CASC3: variants seen among roughly 807,000 people sequenced by gnomAD.
The protein encoded by CASC3 is protein CASC3.
Under a neutral mutation model 80.5 loss-of-function variants are expected in CASC3, and 30 were observed. The ratio of observed to expected loss-of-function variants is 0.37; its 90% CI spans 0.28 to 0.51. CASC3 has a LOEUF of 0.51. Among genes scored for constraint, CASC3 ranks in the 20% least tolerant of loss-of-function variants. The pLI is 0.94. For missense variants in CASC3, 824 were observed against 922.2 expected (o/e 0.89, Z 1.38); for synonymous variants, 312 against 333.6 (o/e 0.94, Z 0.70).
At chr17:40,166,613 CAGT>C (rs1419994729) in intron 7 of CASC3, among the ~76,000 whole-genome samples, 181 bp from the exon 8 acceptor site, 2 of 152,158 alleles carry the variant, frequency 1.3e-5, no homozygotes, top group African/African-American at 4.8e-5. Flanking sequence ...AGATGGCAGA[CAGT>C]GGGGACAAAT....
Position 40,171,430 on chromosome 17 carries a change from T to C in CASC3, c.*1025T>C. 1.0e-6 allele frequency: 1 copy of C among 986,266 alleles called. No individual in the cohort carries two copies. The highest frequency in any genetic ancestry group is 1.2e-6 in the Non-Finnish European group (1 of 830,126). The allele number at this position is 986,266 out of a possible 1,614,324, so 61.1% of individuals were successfully genotyped here. The stretch of plus-strand genomic sequence containing the variant: ...GTTGCTGTGGACCAATGCATCTCTT[T>C]AAAGGCAAATATTATCCAGCAAGCA... On this transcript the variant is annotated 3_prime_UTR_variant, in exon 14 of 14. Transcript: ENST00000264645.
chr17:40,162,969 C>T, intron 6 of CASC3, 68 bp downstream of exon 6: 3 of 1,437,412 alleles, frequency 2.1e-6, no homozygotes, highest in Admixed American at 3.5e-5. Context: ...ACCTGGAATC[C>T]CGGCACTTTG....
intron 3 of CASC3, among the ~76,000 whole-genome samples, chr17:40,145,263 G>A (rs1352467654): frequency 2.0e-5 from 3 of 150,128 alleles, no homozygotes; most frequent in East Asian, 3.9e-4. Context: ...CCTCCGCCCC[G>A]CCTGGTTCAA....
Position 40,141,552 on chromosome 17 carries a change from A to G in CASC3, c.260-18A>G. ...TTTCTGGGTTTCTTTTTTTCCACAT[A>G]TTTCTGTTTTATTTCAGCTGTTCTC... On this transcript the variant is annotated intron_variant, in intron 2 of 13. Coordinates refer to ENST00000264645, the MANE Select transcript of CASC3 (RefSeq NM_007359.5). 1 of 1,611,494 alleles carries G rather than the reference A, an allele frequency of 6.2e-7. No individual in the cohort carries two copies.
intron 3 of CASC3, among the ~76,000 whole-genome samples, chr17:40,155,093 G>T (rs909619410): frequency 6.6e-6 from 1 of 151,670 alleles, no homozygotes; most frequent in Admixed American, 6.6e-5. Flanking sequence ...GTTTCACCGT[G>T]TTAGCCAGGA....
Position 40,154,787 on chromosome 17 carries a change from C to T in CASC3, c.298-6966C>T, listed in dbSNP as rs147641141. Among the ~76,000 whole-genome samples, 792 of 152,148 alleles carry T rather than the reference C, an allele frequency of 5.2e-3. 5 individuals carry two copies. The highest frequency in any genetic ancestry group is 8.7e-3 in the Non-Finnish European group (593 of 68,010). ...AAACTGAGAGTCATGAGTATTTACT[C>T]CTGTGTTTTCTTCTAAGAGTTTTAT... On this transcript the variant is annotated intron_variant, in intron 3 of 13. Coordinates refer to ENST00000264645, the MANE Select transcript of CASC3 (RefSeq NM_007359.5).
At chr17:40,152,148 A>G (rs988030141) in intron 3 of CASC3, among the ~76,000 whole-genome samples, 7 of 152,050 alleles carry the variant, frequency 4.6e-5, no homozygotes, top group African/African-American at 1.7e-4. Context: ...TTTATTTTAC[A>G]TGGTTTAAAA....
intron 3 of CASC3, among the ~76,000 whole-genome samples, chr17:40,156,885 G>T (rs1000596000): frequency 6.6e-6 from 1 of 151,110 alleles, no homozygotes; most frequent in African/African-American, 2.4e-5. Flanking sequence ...ACAAAAAAAA[G>T]GACAAAAATT....
chr17:40,152,206 T>C (rs568103855), intron 3 of CASC3, among the ~76,000 whole-genome samples: 1 of 152,362 alleles, frequency 6.6e-6, no homozygotes, highest in East Asian at 1.9e-4. Context: ...GATGCAGTTA[T>C]AGCTCACTGC....
At chr17:40,147,749 G>C (rs907281530) in intron 3 of CASC3, among the ~76,000 whole-genome samples, 6 of 152,218 alleles carry the variant, frequency 3.9e-5, no homozygotes, top group Admixed American at 3.9e-4. Flanking sequence ...TGGAAGGACA[G>C]TTGTGGGTTA....
chr17:40,162,748 T>C lies in CASC3; in HGVS notation c.632T>C (p.Leu211Pro). 6.2e-7 allele frequency: 1 copy of C among 1,613,932 alleles called. No homozygotes were observed. The highest frequency in any genetic ancestry group is 8.5e-7 in the Non-Finnish European group (1 of 1,179,996). Residue 211 changes from leucine (L) to proline (P), a missense_variant, in exon 6 of 14, where the codon CTA becomes CCA. Around this residue, in one of 3 missense-constraint regions of CASC3, gnomAD observed 201 missense variants for 294.1 expected, o/e 0.68. Coordinates refer to ENST00000264645, the MANE Select transcript of CASC3 (RefSeq NM_007359.5). Reference sequence around the variant, plus strand: ...AGACCCAAGGGGCGTCAGCGAAAGCTATGGAAGGATGAGGGTCGCTGGGAG... The same window carrying C: ...AGACCCAAGGGGCGTCAGCGAAAGCCATGGAAGGATGAGGGTCGCTGGGAG... ...EVRPKGRQRK[L>P]WKDEGRWEHD... is the part of the protein sequence containing the mutation.
intron 8 of CASC3, chr17:40,167,098 A>G (rs1989468797): frequency 1.9e-6 from 1 of 529,312 alleles, no homozygotes; most frequent in African/African-American, 2.0e-5. Flanking sequence ...AGTAGCTGGC[A>G]TTACAGGCAC....
At chr17:40,168,073 G>A in intron 10 of CASC3, 125 bp downstream of exon 10, 1 of 1,284,110 alleles carries the variant, frequency 7.8e-7, no homozygotes, top group Non-Finnish European at 1.1e-6. Flanking sequence ...GGCTGCTTGG[G>A]CAACAAGTTC....
rs376330541 is a variant in CASC3 at position 40,167,814 on chromosome 17, A to T, written c.1652-36A>T. On this transcript the variant is annotated intron_variant, in intron 9 of 13. Transcript: ENST00000264645. ...AAGGAGACTTGTCCATGTGAAGAGT[A>T]AGGGTTTATGAGAGTCCCAATGTGA... The T allele has an allele frequency of 7.1e-6, 11 of 1,558,400 alleles. 1 individual carries two copies. In the South Asian group the frequency reaches 1.1e-4, roughly 16 times the overall value.
chr17:40,164,005 T>G lies in CASC3; in HGVS notation c.1310T>G (p.Val437Gly). 6.2e-7 allele frequency: 1 copy of G among 1,613,982 alleles called. No homozygotes were observed. Among genetic ancestry groups the G allele is most frequent in the Non-Finnish European group, 8.5e-7 (1 of 1,180,010 alleles). Reference sequence around the variant, plus strand: ...GAAGGACTGATTCCAGCACCTCCAGTCCCAGAAACCACCCCAACTCCACCT... The same window carrying G: ...GAAGGACTGATTCCAGCACCTCCAGGCCCAGAAACCACCCCAACTCCACCT... Reference protein sequence around the residue: ...PPEGLIPAPPVPETTPTPPTK... With the variant: ...PPEGLIPAPPGPETTPTPPTK... Residue 437 changes from valine to glycine, a missense_variant, in exon 7 of 14, where the codon GTC (valine) becomes GGC (glycine). Around this residue, in one of 3 missense-constraint regions of CASC3, gnomAD observed 464 missense variants for 506.0 expected, o/e 0.92. Transcript: ENST00000264645.
chr17:40,155,434 G>A (rs1989122034), intron 3 of CASC3, among the ~76,000 whole-genome samples: 2 of 151,976 alleles, frequency 1.3e-5, no homozygotes, highest in South Asian at 4.2e-4. Flanking sequence ...TTATATTTAA[G>A]GTTTTAAAAG....
intron 3 of CASC3, among the ~76,000 whole-genome samples, chr17:40,149,652 A>T (rs1988948982): frequency 6.6e-6 from 1 of 152,236 alleles, no homozygotes; most frequent in Admixed American, 6.5e-5. Context: ...GACAAGATTA[A>T]CATCTTCCAT....
At chr17:40,143,855 T>C (rs2145151286) in intron 3 of CASC3, among the ~76,000 whole-genome samples, 1 of 151,244 alleles carries the variant, frequency 6.6e-6, no homozygotes, top group Non-Finnish European at 1.5e-5. Context: ...TATATATTAA[T>C]AAAAGAACGT....
At chr17:40,170,425 C>A in intron 13 of CASC3, 22 bp from the exon 14 acceptor site, 1 of 985,548 alleles carries the variant, frequency 1.0e-6, no homozygotes, top group Non-Finnish European at 1.2e-6. Flanking sequence ...GGTGGTTCTT[C>A]CCTTTTTCCA....
Sources: gnomAD v4.1 joint callset for allele counts (sites outside exome capture counted in the v4.1 genomes callset) on GRCh38, gnomAD v4.1.1 for gene constraint, gnomAD v4.1.1 regional missense constraint, MANE v1.5 for transcripts, NCBI Gene and HGNC (gene_info 2026-07-23, HGNC 2026-07-21) for gene names.